Variants in ZZZ3 observed in about 807,000 individuals in gnomAD.
ZZZ3 encodes the protein ZZ-type zinc finger-containing protein 3.
A neutral mutation model predicts 95.2 loss-of-function variants in ZZZ3; 22 were observed. The observed-to-expected ratio is 0.23, with a 90% CI of 0.17 to 0.33. ZZZ3 has a LOEUF of 0.33. Ranked by LOEUF, ZZZ3 falls within the 10% of genes least tolerant of loss-of-function variation. ZZZ3 has a pLI of 1.00. For synonymous variants in ZZZ3, 335 were observed against 358.9 expected, an observed-to-expected ratio of 0.93 and a Z score of 0.75; for missense variants, 885 against 1,066.5, an observed-to-expected ratio of 0.83 and a Z score of 2.37.
intron 5 of ZZZ3, among the ~76,000 whole-genome samples, chr1:77,594,247 C>G (rs1021583815): frequency 7.2e-5 from 11 of 152,112 alleles, no homozygotes; most frequent in Non-Finnish European, 1.5e-5. Context: ...ACTTTTCTCT[C>G]ACAAAAGTCA....
chr1:77,573,126 TA>T (rs1403166326), intron 12 of ZZZ3, among the ~76,000 whole-genome samples: 2 of 152,064 alleles, frequency 1.3e-5, no homozygotes, highest in African/African-American at 2.4e-5. Flanking sequence ...TTTTTTAATT[TA>T]TTTTTTTGGA....
chr1:77,617,088 T>C (rs1291922028), intron 5 of ZZZ3, among the ~76,000 whole-genome samples: 1 of 151,838 alleles, frequency 6.6e-6, no homozygotes, highest in South Asian at 2.1e-4. Context: ...GTGCATACCC[T>C]GGTATGCACT....
At position 77,565,836 on chromosome 1, in the gene ZZZ3, T is replaced by A. The variant is rs150152650; in HGVS notation, c.2568-52A>T. 5,368 of 1,542,944 alleles carry A rather than the reference T, an allele frequency of 3.5e-3. 14 individuals carry two copies. The highest frequency in any genetic ancestry group is 0.013 in the Middle Eastern group (71 of 5,348). ...TTACATGGTAGTGGATGCATTTTAG[T>A]CTGTGTATTACAAAGCTTCCTCACA... On this transcript the variant is annotated intron_variant, in intron 14 of 14. Transcript: ENST00000370801.
intron 5 of ZZZ3, among the ~76,000 whole-genome samples, chr1:77,614,265 T>C (rs980002326): frequency 2.0e-5 from 3 of 152,198 alleles, no homozygotes; most frequent in African/African-American, 7.2e-5. Flanking sequence ...CCGACTCTAG[T>C]GGAACAGCAA....
chr1:77,646,441 C>G (rs1321749959), intron 1 of ZZZ3, among the ~76,000 whole-genome samples: 1 of 151,918 alleles, frequency 6.6e-6, no homozygotes, highest in Admixed American at 6.6e-5. Context: ...CAGGCTAGTC[C>G]TGAACTCCTG....
At chr1:77,620,222 A>G (rs946829046) in intron 5 of ZZZ3, among the ~76,000 whole-genome samples, 1 of 152,226 alleles carries the variant, frequency 6.6e-6, no homozygotes, top group African/African-American at 2.4e-5. Flanking sequence ...ATGAGAGAAC[A>G]TAATTAAGGA....
In ZZZ3 at chr1:77,581,781, G is replaced by A. The variant is rs1340043672; in HGVS notation, c.1903C>T (p.Pro635Ser). The change falls in exon 8 of 15, where the codon CCT becomes TCT. Residue 635 changes from proline to serine, a missense_variant. By Grantham distance (74) the Pro-to-Ser change is moderately conservative (BLOSUM62 -1). Around this residue, in one of 5 missense-constraint regions of ZZZ3, gnomAD observed 99 missense variants for 119.8 expected, o/e 0.83. Coordinates refer to ENST00000370801, the MANE Select transcript of ZZZ3 (RefSeq NM_015534.6). ...CAATATTTCACACTGCTTACCTGAG[G>A]ACGACTGCTTGAGCCTTCTGGACCA... ...SDGPEGSSSR[P>S]QMIRGRLCDD... The A allele has an allele frequency of 6.2e-7, 1 of 1,611,256 alleles. No individual in the cohort carries two copies. The highest frequency in any genetic ancestry group is 1.7e-5 in the Admixed American group (1 of 59,672).
At chr1:77,671,034 T>A (rs78249673) in intron 1 of ZZZ3, among the ~76,000 whole-genome samples, 19,135 of 143,898 alleles carry the variant, frequency 0.13, 1,857 homozygotes, top group African/African-American at 0.28. Flanking sequence ...TTGTTTTTTT[T>A]AAAAAAAAAA....
intron 1 of ZZZ3, among the ~76,000 whole-genome samples, chr1:77,676,065 T>C (rs1406496260): frequency 3.9e-5 from 6 of 152,256 alleles, no homozygotes; most frequent in Non-Finnish European, 7.3e-5. Context: ...TGTTTAACAC[T>C]TTAAGCATAC....
intron 1 of ZZZ3, among the ~76,000 whole-genome samples, chr1:77,654,562 T>C (rs1670100678): frequency 6.6e-6 from 1 of 152,214 alleles, no homozygotes; most frequent in African/African-American, 2.4e-5. Context: ...TAAGACTGGC[T>C]TACATGTACA....
At position 77,632,658 on chromosome 1, in the gene ZZZ3, C is replaced by T. The variant is rs752942616; in HGVS notation, c.697G>A (p.Val233Met). The T allele has an allele frequency of 8.1e-6, 13 of 1,614,044 alleles. No homozygotes were observed. The East Asian group carries it at 2.9e-4, about 36-fold the overall frequency. The stretch of plus-strand genomic sequence containing the variant: ...TCAGCTACTGATTTTTCCTGTAACA[C>T]ATAGGAACCAATGCTATTTTGTTTA... ...NTKQNSIGSY[V>M]LQEKSVAENG... The change falls in exon 5 of 15, where the codon GTG becomes ATG. Residue 233 changes from valine (V) to methionine (M), a missense_variant. Around this residue, in one of 5 missense-constraint regions of ZZZ3, gnomAD observed 556 missense variants for 652.9 expected, o/e 0.85. Transcript: ENST00000370801.
At chr1:77,589,436 ATTTATTTATTTAT>A (rs1050523930) in intron 5 of ZZZ3, among the ~76,000 whole-genome samples, 2 of 150,672 alleles carry the variant, frequency 1.3e-5, no homozygotes, top group Non-Finnish European at 3.0e-5. Context: ...TTATTTATTT[ATTTATTTATTTAT>A]TTATTTATTT....
At chr1:77,657,019 C>T (rs1007345279) in intron 1 of ZZZ3, among the ~76,000 whole-genome samples, 1 of 152,164 alleles carries the variant, frequency 6.6e-6, no homozygotes, top group South Asian at 2.1e-4. Context: ...CTCACTTTGT[C>T]GTCCAGGCTG....
chr1:77,626,536 C>T (rs772345905), intron 5 of ZZZ3, among the ~76,000 whole-genome samples: 6 of 152,210 alleles, frequency 3.9e-5, no homozygotes, highest in African/African-American at 7.2e-5. Flanking sequence ...CAATAGAGTT[C>T]GTGCTCCTAT....
rs901634678 is a variant in ZZZ3, at chr1:77,565,331, A to T, written c.*309T>A. The T allele has an allele frequency of 4.4e-6, 1 of 227,560 alleles. No homozygotes were observed. Among genetic ancestry groups the T allele is most frequent in the African/African-American group, 2.3e-5 (1 of 44,270 alleles). 14.1% of individuals were successfully genotyped at this position (227,560 alleles called of 1,614,324 possible). A position where few individuals can be genotyped will look rare whatever the true frequency, so the allele number is the denominator to read the frequency against. ...CATATTTATGACCAAGTTCTTTGAAACCTTTGGAATTTACTCTCTCTTTAA... is the reference window on the plus strand; with the variant it reads ...CATATTTATGACCAAGTTCTTTGAATCCTTTGGAATTTACTCTCTCTTTAA... On this transcript the variant is annotated 3_prime_UTR_variant, in exon 15 of 15. Coordinates refer to ENST00000370801, the MANE Select transcript of ZZZ3 (RefSeq NM_015534.6).
intron 11 of ZZZ3, among the ~76,000 whole-genome samples, chr1:77,576,774 A>C (rs200191864): frequency 0.25 from 9,759 of 39,764 alleles, 632 homozygotes; most frequent in East Asian, 0.37. Flanking sequence ...AAAAACAAAA[A>C]AACAACAAAA....
chr1:77,682,745 A>G (rs1365361277), upstream of ZZZ3: 1 of 152,230 alleles, frequency 6.6e-6, no homozygotes, highest in East Asian at 1.9e-4. Context: ...GCGGTACAGA[A>G]AAAAATCAGT....
At chr1:77,662,077 G>A (rs1314211970) in intron 1 of ZZZ3, among the ~76,000 whole-genome samples, 1 of 151,494 alleles carries the variant, frequency 6.6e-6, no homozygotes, top group Non-Finnish European at 1.5e-5. Context: ...ACAGTGGCGT[G>A]ATCTAGGCTC....
intron 5 of ZZZ3, among the ~76,000 whole-genome samples, chr1:77,621,436 C>T (rs971044418): frequency 1.2e-4 from 18 of 148,234 alleles, no homozygotes; most frequent in African/African-American, 4.5e-4. Context: ...GAGTGAGACC[C>T]TCCCTTTAAA....
Sources: gnomAD v4.1 joint callset for allele counts (sites outside exome capture counted in the v4.1 genomes callset) on GRCh38, gnomAD v4.1.1 for gene constraint, gnomAD v4.1.1 regional missense constraint, MANE v1.5 for transcripts, NCBI Gene and HGNC (gene_info 2026-07-23, HGNC 2026-07-21) for gene names.